Variants in LTF observed in about 807,000 individuals in gnomAD.
LTF encodes lactotransferrin.
LTF carries 91 observed loss-of-function variants against 87.2 expected under a neutral mutation model. The observed-to-expected ratio is 1.04, with a 90% CI of 0.88 to 1.24. The LOEUF is 1.24. Among genes scored for constraint, LTF ranks in the 50% most tolerant of loss-of-function variants. The pLI is 0.00. For missense variants in LTF, 901 were observed against 904.3 expected (o/e 1.00, Z 0.05); for synonymous variants, 378 against 356.1 (o/e 1.06, Z -0.69).
In LTF at chr3:46,435,918, A is replaced by T. The variant is rs768157954; in HGVS notation, c.*277T>A. ...AAAGAGGAGGGGCTGGACCTGAAAA[A>T]CTTGGAAGGGAAGGTCCAACTGTAC... On this transcript the variant is annotated 3_prime_UTR_variant, in exon 17 of 17. Transcript: ENST00000231751. 9 of 468,318 alleles carry T rather than the reference A, an allele frequency of 1.9e-5. No homozygotes were observed. The highest frequency in any genetic ancestry group is 3.5e-5 in the Non-Finnish European group (9 of 259,482). 29.0% of individuals were successfully genotyped at this position (468,318 alleles called of 1,614,324 possible). A position where few individuals can be genotyped will look rare whatever the true frequency, so the allele number is the denominator to read the frequency against.
chr3:46,441,536 C>A, intron 13 of LTF, 53 bp from the exon 14 acceptor site: 1 of 1,312,900 alleles, frequency 7.6e-7, no homozygotes, highest in Non-Finnish European at 1.1e-6. Context: ...ACTAGTGGGG[C>A]TTTCATAAAT....
intron 13 of LTF, among the ~76,000 whole-genome samples, chr3:46,442,632 T>C (rs1238460090): frequency 1.3e-5 from 2 of 151,168 alleles, no homozygotes; most frequent in African/African-American, 4.9e-5. Context: ...TCACAAAACA[T>C]TTTTTTTTGT....
At chr3:46,442,077 A>G (rs1702537486) in intron 13 of LTF, among the ~76,000 whole-genome samples, 1 of 152,026 alleles carries the variant, frequency 6.6e-6, no homozygotes, top group Non-Finnish European at 1.5e-5. Context: ...AATTAAGCAA[A>G]TAAGAAAAGA....
chr3:46,472,187 A>G (rs1703298722), intron 1 of LTF, among the ~76,000 whole-genome samples: 1 of 151,984 alleles, frequency 6.6e-6, no homozygotes, highest in South Asian at 2.1e-4. Context: ...ACAAACTCAT[A>G]TGACTTTAGG....
chr3:46,445,297 C>T lies in LTF; in HGVS notation c.1497G>A (p.Thr499=), dbSNP rs151143805. The T allele has an allele frequency of 8.1e-6, 13 of 1,609,958 alleles. No homozygotes were observed. Among genetic ancestry groups the T allele is most frequent in the Middle Eastern group, 1.7e-4 (1 of 6,054 alleles). Residue 499 remains threonine, a synonymous_variant, in exon 12 of 17, where the codon ACG becomes ACA. Transcript: ENST00000231751. ...NIPMGLLFNQ[T]GSCKFDEYFS... is the part of the protein sequence containing the mutation. ...ACTCCTTACCAAATTTGCAGGAGCCCGTCTGGTTGAAGAGCAGGCCCATGG... is the reference window on the plus strand; with the variant it reads ...ACTCCTTACCAAATTTGCAGGAGCCTGTCTGGTTGAAGAGCAGGCCCATGG...
In LTF at chr3:46,439,290, C is replaced by T. The variant is rs1702457493; in HGVS notation, c.1908+6G>A. The T allele has an allele frequency of 1.2e-6, 2 of 1,606,978 alleles. No homozygotes were observed. The highest frequency in any genetic ancestry group is 1.3e-5 in the African/African-American group (1 of 74,888). ...AAGAAAGCACTAGAAGCCCTGTGGT[C>T]CATACCTGTTGGTGGAGCAACACCT... On this transcript the variant is annotated splice_donor_region_variant and intron_variant, in intron 15 of 16. Transcript: ENST00000231751.
At position 46,477,531 on chromosome 3, in the gene LTF, C is replaced by G. The variant is rs148018299; in HGVS notation, c.-319-7065G>C. On this transcript the variant is annotated intron_variant, in intron 1 of 19. Coordinates refer to the LTF transcript ENST00000443496. ...TCTACCTCTTCCCCACTCCCCAGATCTAGCCACGTCATTCAGCCTGTCTCA... is the reference window on the plus strand; with the variant it reads ...TCTACCTCTTCCCCACTCCCCAGATGTAGCCACGTCATTCAGCCTGTCTCA... Among the ~76,000 whole-genome samples the G allele has an allele frequency of 9.8e-3, 1,489 of 152,310 alleles. 19 individuals carry two copies. Among genetic ancestry groups the G allele is most frequent in the Non-Finnish European group, 0.011 (766 of 68,018 alleles).
At chr3:46,440,466 GTTAATGGC>G in intron 14 of LTF, among the ~76,000 whole-genome samples, 1 of 152,308 alleles carries the variant, frequency 6.6e-6, no homozygotes, top group East Asian at 1.9e-4. Context: ...GATTACTTCA[GTTAATGGC>G]TTGTAAATTC....
chr3:46,455,989 G>T lies in LTF; in HGVS notation c.317-11C>A, dbSNP rs758757292. On this transcript the variant is annotated splice_polypyrimidine_tract_variant and intron_variant, in intron 3 of 16. Coordinates refer to ENST00000231751, the MANE Select transcript of LTF (RefSeq NM_002343.6). ...AGTGAGTTCGTGGCTCTGCAAAGGGGCAGACAGAATTGAAAGTTCTTAGCC... is the reference window on the plus strand; with the variant it reads ...AGTGAGTTCGTGGCTCTGCAAAGGGTCAGACAGAATTGAAAGTTCTTAGCC... 4 of 1,555,094 alleles carry T rather than the reference G, an allele frequency of 2.6e-6. No homozygotes were observed. The highest frequency in any genetic ancestry group is 3.5e-6 in the Non-Finnish European group (4 of 1,153,098).
intron 7 of LTF, 26 bp from the exon 8 acceptor site, chr3:46,450,054 G>C (rs1166842531): frequency 6.5e-7 from 1 of 1,542,576 alleles, no homozygotes; most frequent in Admixed American, 2.0e-5. Context: ...TAGAATTATG[G>C]TGTCAATGGT....
chr3:46,465,882 G>A (rs1356296285), upstream of LTF, among the ~76,000 whole-genome samples: 1 of 151,502 alleles, frequency 6.6e-6, no homozygotes, highest in Non-Finnish European at 1.5e-5. Flanking sequence ...ACAGCATGGT[G>A]CCTGTGGGAC....
At chr3:46,451,920 A>C (rs928005438) in intron 6 of LTF, among the ~76,000 whole-genome samples, 1 of 152,228 alleles carries the variant, frequency 6.6e-6, no homozygotes, top group South Asian at 2.1e-4. Flanking sequence ...GATAAATGCC[A>C]TTAATCTACA....
intron 13 of LTF, 114 bp downstream of exon 13, chr3:46,443,327 G>A: frequency 7.6e-7 from 1 of 1,311,104 alleles, no homozygotes; most frequent in Non-Finnish European, 1.1e-6. Context: ...CTGACCCACA[G>A]GATGACCCCC....
upstream of LTF, chr3:46,468,417 G>A (rs1703242896): frequency 2.3e-6 from 1 of 435,644 alleles, no homozygotes; most frequent in African/African-American, 2.0e-5. Context: ...GCCATGCAGT[G>A]GCAAGAGCTA....
At chr3:46,441,703 T>C in intron 13 of LTF, 1 of 483,952 alleles carries the variant, frequency 2.1e-6, no homozygotes. Flanking sequence ...CCAAGAAATC[T>C]AAAGATATGC....
chr3:46,450,431 G>T (rs1309383470), intron 7 of LTF, 64 bp downstream of exon 7: 2 of 1,529,192 alleles, frequency 1.3e-6, no homozygotes, highest in Admixed American at 2.0e-5. Context: ...AGTCAGGGAA[G>T]TAAGAAACCT....
intron 1 of LTF, among the ~76,000 whole-genome samples, chr3:46,472,087 C>T (rs1703297777): frequency 6.6e-6 from 1 of 152,224 alleles, no homozygotes; most frequent in East Asian, 1.9e-4. Flanking sequence ...CCTTCTCACC[C>T]TTCCCTCCCT....
chr3:46,452,971 A>G (rs1313867105), intron 6 of LTF, among the ~76,000 whole-genome samples: 3 of 152,230 alleles, frequency 2.0e-5, no homozygotes, highest in Non-Finnish European at 1.5e-5. Context: ...CAACAAGGTG[A>G]GGCTTGTGGA....
At chr3:46,443,139 C>A (rs529837773) in intron 13 of LTF, among the ~76,000 whole-genome samples, 1 of 152,306 alleles carries the variant, frequency 6.6e-6, no homozygotes, top group South Asian at 2.1e-4. Flanking sequence ...ACTTAGGATA[C>A]CACACTCTAC....
Sources: allele counts gnomAD v4.1 joint callset (sites outside exome capture counted in the v4.1 genomes callset), GRCh38; gene constraint gnomAD v4.1.1; transcripts MANE v1.5; gene names NCBI Gene and HGNC (gene_info 2026-07-23, HGNC 2026-07-21).